Variants in EIF3I observed in about 807,000 individuals in gnomAD.
EIF3I encodes the protein TGF-beta receptor-interacting protein 1.
A neutral mutation model predicts 43.3 loss-of-function variants in EIF3I; 20 were observed. The observed-to-expected ratio is 0.46, with a 90% CI of 0.32 to 0.67. The LOEUF (loss-of-function observed/expected upper bound fraction) is 0.67, where lower values mean the gene tolerates loss of function less well. EIF3I is among the 30% of genes least tolerant of loss of function. EIF3I has a pLI of 0.03. For missense variants in EIF3I, 279 were observed against 421.4 expected (o/e 0.66, Z 2.96); for synonymous variants, 167 against 151.7 (o/e 1.10, Z -0.74).
At chr1:32,229,532 G>T (rs1245830671) in intron 9 of EIF3I, among the ~76,000 whole-genome samples, 1 of 146,032 alleles carries the variant, frequency 6.8e-6, no homozygotes, top group Non-Finnish European at 1.5e-5. Flanking sequence ...ACAGGCATGA[G>T]CCACCGTGCC....
exon 7 of EIF3I, chr1:32,228,575 T>C (rs1160038340): frequency 4.3e-6 from 7 of 1,614,080 alleles, no homozygotes; most frequent in African/African-American, 1.3e-5. Flanking sequence ...GACATGACCA[T>C]GTTTGTGACC....
At chr1:32,228,926 A>T in intron 8 of EIF3I, 110 bp downstream of exon 8, 2 of 1,118,028 alleles carry the variant, frequency 1.8e-6, no homozygotes, top group Non-Finnish European at 2.7e-6. Flanking sequence ...TGTCAGGCAG[A>T]GAGGAGATGC....
At chr1:32,227,834 TGTATAATGCTGA>T (rs1396018591) in intron 6 of EIF3I, among the ~76,000 whole-genome samples, 5 of 152,286 alleles carry the variant, frequency 3.3e-5, no homozygotes, top group East Asian at 1.9e-4. Flanking sequence ...TATAATGCCC[TGTATAATGCTGA>T]GTATAATGCT....
chr1:32,230,800 G>A, intron 10 of EIF3I, 127 bp from the exon 10 acceptor site: 1 of 702,242 alleles, frequency 1.4e-6, no homozygotes, highest in Non-Finnish European at 2.3e-6. Flanking sequence ...CTCCACCCTG[G>A]GTGACAGAGT....
intron 2 of EIF3I, among the ~76,000 whole-genome samples, chr1:32,223,138 C>A (rs1323330398): frequency 6.6e-6 from 1 of 152,170 alleles, no homozygotes; most frequent in African/African-American, 2.4e-5. Flanking sequence ...ATAATCTAAT[C>A]TTTCTACCAG....
At chr1:32,231,161 G>A (rs956661915) in exon 12 of EIF3I, 7 of 1,613,784 alleles carry the variant, frequency 4.3e-6, no homozygotes, top group Admixed American at 1.7e-5. Context: ...CCATTACTTC[G>A]ACCCACAGTA....
chr1:32,231,241 C>T (rs376058123), exon 12 of EIF3I: 2 of 1,584,400 alleles, frequency 1.3e-6, no homozygotes, highest in Non-Finnish European at 1.7e-6. Flanking sequence ...GCCTGTAATC[C>T]CACCACTTTT....
Position 32,228,526 on chromosome 1 carries a change from G to T in EIF3I, c.556G>T (p.Glu186Ter). The T allele has an allele frequency of 1.2e-6, 2 of 1,614,094 alleles. No homozygotes were observed. The highest frequency in any genetic ancestry group is 1.1e-5 in the South Asian group (1 of 91,054). ...TGGAGAGGTGTTGGTGAATGTTAAG[G>T]AGCACTCCCGGCAGATCAACGACAT... The change falls in exon 7 of 12, where the codon GAG becomes TAG. Residue 186 changes from glutamate to a stop codon, truncating the protein, a stop_gained. Transcript: ENST00000676679. LOFTEE classifies it high-confidence loss of function.
At chr1:32,223,627 A>T (rs1252204796) in intron 2 of EIF3I, among the ~76,000 whole-genome samples, 1 of 152,178 alleles carries the variant, frequency 6.6e-6, no homozygotes, top group Non-Finnish European at 1.5e-5. Flanking sequence ...AGAGGAGAGA[A>T]GCACTGTATT....
chr1:32,230,202 A>C (rs1219609007), intron 9 of EIF3I, among the ~76,000 whole-genome samples: 1 of 147,702 alleles, frequency 6.8e-6, no homozygotes, highest in Non-Finnish European at 1.5e-5. Flanking sequence ...TTTCCATCTT[A>C]TTTTGTTCAC....
exon 12 of EIF3I, chr1:32,231,175 C>A (rs115858570): frequency 6.2e-7 from 1 of 1,613,672 alleles, no homozygotes; most frequent in Admixed American, 1.7e-5. Context: ...CACAGTACTT[C>A]GAATTTGAGT....
downstream of EIF3I, chr1:32,235,082 G>C (rs1165411501): frequency 6.5e-6 from 1 of 152,814 alleles, no homozygotes; most frequent in Non-Finnish European, 1.5e-5. Flanking sequence ...GCCTCCACCA[G>C]GCGCATGAAG....
chr1:32,229,585 C>G (rs1472515833), intron 9 of EIF3I, among the ~76,000 whole-genome samples: 1 of 114,608 alleles, frequency 8.7e-6, no homozygotes, highest in Non-Finnish European at 1.7e-5. Context: ...GAGTCTTGCT[C>G]TGTCACCCAG....
At chr1:32,222,493 T>A in intron 1 of EIF3I, 45 bp from the exon 2 acceptor site, 1 of 1,613,184 alleles carries the variant, frequency 6.2e-7, no homozygotes, top group Non-Finnish European at 8.5e-7. Context: ...GGGCTGAGGC[T>A]GGGGCCCAAT....
At chr1:32,222,597 A>G (rs774283623) in exon 2 of EIF3I, 3 of 1,613,970 alleles carry the variant, frequency 1.9e-6, no homozygotes, top group Non-Finnish European at 2.5e-6. Flanking sequence ...ATAACCGCGA[A>G]GGAGACCTCC....
intron 2 of EIF3I, among the ~76,000 whole-genome samples, chr1:32,222,912 C>T (rs1278232746): frequency 6.6e-6 from 1 of 152,020 alleles, no homozygotes; most frequent in Non-Finnish European, 1.5e-5. Context: ...GCCTGAGCAA[C>T]GTAGTAAGAC....
chr1:32,227,716 A>G (rs1212295207), intron 6 of EIF3I, among the ~76,000 whole-genome samples: 1 of 152,192 alleles, frequency 6.6e-6, no homozygotes, highest in African/African-American at 2.4e-5. Context: ...TTGAGGCTGC[A>G]GTGAGCCATG....
At chr1:32,229,380 C>T (rs1003441357) in intron 9 of EIF3I, among the ~76,000 whole-genome samples, 172 bp downstream of exon 9, 12 of 151,888 alleles carry the variant, frequency 7.9e-5, no homozygotes, top group African/African-American at 2.4e-4. Context: ...CCTGCCTCAG[C>T]GGCCCAGGCG....
At chr1:32,235,572 G>C (rs1382829207), downstream of EIF3I, among the ~76,000 whole-genome samples, 1 of 152,148 alleles carries the variant, frequency 6.6e-6, no homozygotes, top group Non-Finnish European at 1.5e-5. Flanking sequence ...GCCCACCTCG[G>C]CCTCCCAAAG....
Sources: allele counts gnomAD v4.1 joint callset (sites outside exome capture counted in the v4.1 genomes callset), GRCh38; gene constraint gnomAD v4.1.1; transcripts MANE v1.5; gene names NCBI Gene and HGNC (gene_info 2026-07-23, HGNC 2026-07-21).